DACH1: variants seen among roughly 807,000 people sequenced by gnomAD.
The protein encoded by DACH1 is dachshund family transcription factor 1.
A neutral mutation model predicts 54.2 loss-of-function variants in DACH1; 12 were observed. The ratio of observed to expected loss-of-function variants is 0.22; its 90% CI spans 0.14 to 0.36. DACH1 has a LOEUF of 0.36. DACH1 is among the 10% of genes least tolerant of loss of function. The probability of loss-of-function intolerance (pLI) is 1.00; values close to 1 mark genes in which losing one functional copy is unlikely to be tolerated. For missense variants in DACH1, 805 were observed against 929.8 expected (o/e 0.87, Z 1.75); for synonymous variants, 386 against 366.2 (o/e 1.05, Z -0.62).
At chr13:71,663,160 T>TTGTG (rs142396087) in intron 2 of DACH1, among the ~76,000 whole-genome samples, 23 of 150,568 alleles carry the variant, frequency 1.5e-4, no homozygotes, top group African/African-American at 4.9e-4. Flanking sequence ...GTGTATATGA[T>TTGTG]TGTGTGTGTG....
intron 6 of DACH1, among the ~76,000 whole-genome samples, chr13:71,552,524 A>G (rs773034252): frequency 6.6e-6 from 1 of 151,714 alleles, no homozygotes; most frequent in Non-Finnish European, 1.5e-5. Context: ...TTTAAGAAAA[A>G]CCAAAACAAA....
intron 1 of DACH1, among the ~76,000 whole-genome samples, chr13:71,776,731 T>A (rs1298513145): frequency 6.6e-6 from 1 of 152,280 alleles, no homozygotes; most frequent in South Asian, 2.1e-4. Context: ...ATAAAACATA[T>A]ATTTAAATTT....
intron 1 of DACH1, among the ~76,000 whole-genome samples, chr13:71,690,234 TAA>T (rs1881406066): frequency 6.6e-6 from 1 of 152,252 alleles, no homozygotes; most frequent in Non-Finnish European, 1.5e-5. Context: ...CTTAAAGTTT[TAA>T]AGAGATATAC....
intron 1 of DACH1, among the ~76,000 whole-genome samples, chr13:71,805,345 G>A (rs976742108): frequency 2.6e-5 from 4 of 151,958 alleles, no homozygotes; most frequent in African/African-American, 4.8e-5. Context: ...GGGAGGTTTC[G>A]GTTGCCTCAA....
In DACH1 at chr13:71,566,299, G is replaced by A. The variant is rs553247444; in HGVS notation, c.1300-6344C>T. ...TTGGTACAAGTTGATGTGGGGGTAC[G>A]ACTACTTCATAGATGGTGTTGCAAG... On this transcript the variant is annotated intron_variant, in intron 4 of 10. Coordinates refer to ENST00000613252, the MANE Select transcript of DACH1 (RefSeq NM_080759.6). 1.7e-3 allele frequency among the ~76,000 whole-genome samples: 254 copies of A among 152,210 alleles called. 1 individual carries two copies. Among genetic ancestry groups the A allele is most frequent in the African/African-American group, 5.7e-3 (237 of 41,524 alleles).
At chr13:71,818,816 T>C (rs1188587781) in intron 1 of DACH1, among the ~76,000 whole-genome samples, 1 of 152,252 alleles carries the variant, frequency 6.6e-6, no homozygotes, top group Admixed American at 6.5e-5. Context: ...TTGACTTGGA[T>C]GCTATTCTGT....
At chr13:71,464,505 A>AT in intron 10 of DACH1, 2 of 369,162 alleles carry the variant, frequency 5.4e-6, no homozygotes, top group South Asian at 4.1e-5. Context: ...ATTAAAGAAG[A>AT]TAAATATTTC....
intron 1 of DACH1, among the ~76,000 whole-genome samples, chr13:71,697,268 G>GA (rs1298057614): frequency 6.6e-6 from 1 of 152,206 alleles, no homozygotes; most frequent in African/African-American, 2.4e-5. Context: ...ATGACTGGGT[G>GA]AAGGAAGGAA....
At chr13:71,603,968 T>A (rs1311558095) in intron 3 of DACH1, among the ~76,000 whole-genome samples, 1 of 151,884 alleles carries the variant, frequency 6.6e-6, no homozygotes, top group African/African-American at 2.4e-5. Flanking sequence ...CAATGCTGAA[T>A]ATAACTGTTG....
intron 3 of DACH1, among the ~76,000 whole-genome samples, chr13:71,603,339 T>C (rs1005825710): frequency 6.6e-6 from 1 of 151,986 alleles, no homozygotes; most frequent in African/African-American, 2.4e-5. Context: ...TAGTTTAAAG[T>C]CACTGTAAGA....
At chr13:71,503,139 C>T (rs926465087) in intron 6 of DACH1, among the ~76,000 whole-genome samples, 1 of 152,066 alleles carries the variant, frequency 6.6e-6, no homozygotes, top group Non-Finnish European at 1.5e-5. Context: ...TTTTTCCTTC[C>T]CACATACAAC....
At chr13:71,764,547 A>G (rs905590884) in intron 1 of DACH1, among the ~76,000 whole-genome samples, 1 of 152,200 alleles carries the variant, frequency 6.6e-6, no homozygotes, top group African/African-American at 2.4e-5. Context: ...AAAATTTCTA[A>G]ATTAAAAATA....
chr13:71,794,115 C>A (rs1275551946), intron 1 of DACH1, among the ~76,000 whole-genome samples: 2 of 152,060 alleles, frequency 1.3e-5, no homozygotes, highest in Admixed American at 6.6e-5. Context: ...GTCTGAGAAT[C>A]AGTGGCACAG....
chr13:71,833,551 T>G (rs1004854769), intron 1 of DACH1, among the ~76,000 whole-genome samples: 1 of 151,998 alleles, frequency 6.6e-6, no homozygotes, highest in Non-Finnish European at 1.5e-5. Flanking sequence ...GGAGTGATAA[T>G]GTTGGAACTT....
intron 2 of DACH1, among the ~76,000 whole-genome samples, chr13:71,650,702 G>A (rs949421582): frequency 4.6e-5 from 7 of 152,038 alleles, no homozygotes; most frequent in Non-Finnish European, 7.4e-5. Flanking sequence ...CTATTTTCCC[G>A]AATTCTAATT....
intron 6 of DACH1, among the ~76,000 whole-genome samples, chr13:71,520,663 A>AAAAT: frequency 6.6e-6 from 1 of 151,970 alleles, no homozygotes; most frequent in East Asian, 1.9e-4. Context: ...AATTACATAT[A>AAAAT]AAATCAAGGA....
chr13:71,785,331 T>C (rs902736002), intron 1 of DACH1, among the ~76,000 whole-genome samples: 3 of 152,178 alleles, frequency 2.0e-5, no homozygotes, highest in Non-Finnish European at 2.9e-5. Flanking sequence ...AAGTAAATTC[T>C]TGTTAGCTGT....
At chr13:71,442,633 C>T (rs865903946) in intron 10 of DACH1, among the ~76,000 whole-genome samples, 8 of 152,150 alleles carry the variant, frequency 5.3e-5, no homozygotes, top group Middle Eastern at 3.4e-3. Context: ...GGGATATGTC[C>T]AGACTGCCAG....
intron 3 of DACH1, among the ~76,000 whole-genome samples, chr13:71,581,846 C>G (rs1872876917): frequency 6.6e-6 from 1 of 151,854 alleles, no homozygotes; most frequent in South Asian, 2.1e-4. Context: ...AATTCACAAT[C>G]CAAGCTTTTT....
Sources: gnomAD v4.1 joint callset for allele counts (sites outside exome capture counted in the v4.1 genomes callset) on GRCh38, gnomAD v4.1.1 for gene constraint, MANE v1.5 for transcripts, NCBI Gene and HGNC (gene_info 2026-07-23, HGNC 2026-07-21) for gene names.